PDE1C: variants seen among roughly 807,000 people sequenced by gnomAD.
PDE1C encodes the protein dual specificity calcium/calmodulin-dependent 3',5'-cyclic nucleotide phosphodiesterase 1C.
Under a neutral mutation model 93.1 loss-of-function variants are expected in PDE1C, and 62 were observed. The ratio of observed to expected loss-of-function variants is 0.67; its 90% CI spans 0.54 to 0.82. The LOEUF (loss-of-function observed/expected upper bound fraction) is 0.82, where lower values mean the gene tolerates loss of function less well. Ranked by LOEUF, PDE1C falls within the 40% of genes least tolerant of loss-of-function variation. The probability of loss-of-function intolerance (pLI) is 0.00; values close to 1 mark genes in which losing one functional copy is unlikely to be tolerated. For synonymous variants in PDE1C, 325 were observed against 310.1 expected (o/e 1.05, Z -0.50); for missense variants, 742 against 884.6 (o/e 0.84, Z 2.04).
chr7:32,423,093 G>A (rs953996465), intron 1 of PDE1C, among the ~76,000 whole-genome samples: 2 of 152,160 alleles, frequency 1.3e-5, no homozygotes, highest in Admixed American at 6.5e-5. Flanking sequence ...CAACCCTCAA[G>A]TCCAGGTGTG....
chr7:32,386,877 A>T (rs1331843515), intron 1 of PDE1C, among the ~76,000 whole-genome samples: 1 of 150,638 alleles, frequency 6.6e-6, no homozygotes, highest in Non-Finnish European at 1.5e-5. Context: ...TCATTTTTTT[A>T]TTTTTATTTT....
At chr7:32,030,475 A>T (rs1411317677) in intron 2 of PDE1C, among the ~76,000 whole-genome samples, 1 of 152,112 alleles carries the variant, frequency 6.6e-6, no homozygotes, top group Non-Finnish European at 1.5e-5. Flanking sequence ...TTTTTTAAAA[A>T]ATTAGATCGC....
chr7:31,649,900 G>A, the PDE1C span, among the ~76,000 whole-genome samples: 1 of 152,184 alleles, frequency 6.6e-6, no homozygotes, highest in African/African-American at 2.4e-5. Flanking sequence ...AAAGAGCTGA[G>A]CTCCACTCCA....
chr7:31,930,772 C>G (rs1029976561), intron 2 of PDE1C, among the ~76,000 whole-genome samples: 1 of 141,490 alleles, frequency 7.1e-6, no homozygotes, highest in South Asian at 2.3e-4. Context: ...TCACTTGAAC[C>G]TGGGAGGCGG....
At chr7:31,700,913 C>A in the PDE1C span, among the ~76,000 whole-genome samples, 1 of 152,128 alleles carries the variant, frequency 6.6e-6, no homozygotes, top group Non-Finnish European at 1.5e-5. Flanking sequence ...CAAAAAAAGA[C>A]CCTTTTCAAA....
rs1430986869 is a variant in PDE1C, at chr7:31,752,430, T to C, written c.*954A>G. Reference sequence around the variant, plus strand: ...TATGTAGCGTGCTGTGAAGAGGATCTGAAATGTAACTTAAAGGCATCTCTA... The same window carrying C: ...TATGTAGCGTGCTGTGAAGAGGATCCGAAATGTAACTTAAAGGCATCTCTA... On this transcript the variant is annotated 3_prime_UTR_variant, in exon 18 of 18. Coordinates refer to ENST00000396191, the MANE Select transcript of PDE1C (RefSeq NM_001191057.4). 6.6e-6 allele frequency: 1 copy of C among 152,152 alleles called. No homozygotes were observed. Among genetic ancestry groups the C allele is most frequent in the East Asian group, 1.9e-4 (1 of 5,176 alleles). The allele number at this position is 152,152 out of a possible 1,614,324, so 9.4% of individuals were successfully genotyped here.
chr7:31,652,632 G>T, the PDE1C span: 22 of 1,613,806 alleles, frequency 1.4e-5, no homozygotes, highest in East Asian at 4.9e-4. Context: ...CCCAGGCATG[G>T]CCCCGAGGAC....
At chr7:31,970,232 CATT>C (rs535929692) in intron 2 of PDE1C, among the ~76,000 whole-genome samples, 38 of 152,258 alleles carry the variant, frequency 2.5e-4, no homozygotes, top group African/African-American at 9.1e-4. Flanking sequence ...GCTGACATAT[CATT>C]GAGTCAGTGG....
intron 3 of PDE1C, among the ~76,000 whole-genome samples, chr7:32,133,957 T>TA (rs1437567937): frequency 6.6e-6 from 1 of 151,588 alleles, no homozygotes; most frequent in Non-Finnish European, 1.5e-5. Flanking sequence ...CTTATAAATA[T>TA]AAAAAGAAAC....
intron 1 of PDE1C, among the ~76,000 whole-genome samples, chr7:32,238,348 A>T (rs191687347): frequency 3.7e-4 from 57 of 152,366 alleles, no homozygotes; most frequent in African/African-American, 1.3e-3. Flanking sequence ...ATAGTAAAGA[A>T]GATCAGATAT....
the PDE1C span, among the ~76,000 whole-genome samples, chr7:31,709,982 T>G: frequency 6.6e-6 from 1 of 151,942 alleles, no homozygotes. Context: ...AGACTCTGTC[T>G]CCACAAAAAA....
chr7:31,841,239 A>ATATG (rs1791849122), intron 9 of PDE1C, among the ~76,000 whole-genome samples: 1 of 139,854 alleles, frequency 7.2e-6, no homozygotes, highest in African/African-American at 2.6e-5. Flanking sequence ...ATATATATAT[A>ATATG]TATATGTATA....
At chr7:31,936,634 A>G (rs73308683) in intron 2 of PDE1C, among the ~76,000 whole-genome samples, 2,272 of 152,236 alleles carry the variant, frequency 0.015, 48 homozygotes, top group African/African-American at 0.052. Flanking sequence ...CTTATTTTGC[A>G]TACAAGTGTA....
Position 31,942,243 on chromosome 7 carries a change from G to C in PDE1C, c.129-61383C>G, listed in dbSNP as rs191713041. On this transcript the variant is annotated intron_variant, in intron 2 of 17. Transcript: ENST00000396191. ...TCAGGGCAGAAATCAAAAGCTGTATGAAGTACCCTGTTTTGTGTCCATCTG... is the reference window on the plus strand; with the variant it reads ...TCAGGGCAGAAATCAAAAGCTGTATCAAGTACCCTGTTTTGTGTCCATCTG... 2.0e-4 allele frequency among the ~76,000 whole-genome samples: 31 copies of C among 152,238 alleles called. No homozygotes were observed. In the East Asian group the frequency reaches 5.4e-3, roughly 27 times the overall value.
intron 2 of PDE1C, among the ~76,000 whole-genome samples, chr7:31,921,473 T>A (rs1429292536): frequency 6.6e-6 from 1 of 152,204 alleles, no homozygotes; most frequent in Non-Finnish European, 1.5e-5. Flanking sequence ...AGACATTCCC[T>A]TAATGGTCAG....
chr7:32,356,677 C>A (rs1784035236), intron 1 of PDE1C, among the ~76,000 whole-genome samples: 1 of 152,226 alleles, frequency 6.6e-6, no homozygotes, highest in Admixed American at 6.5e-5. Flanking sequence ...TGCAAATTAG[C>A]TGATGGTCTG....
chr7:31,622,886 A>G, the PDE1C span, among the ~76,000 whole-genome samples: 1 of 152,152 alleles, frequency 6.6e-6, no homozygotes, highest in Non-Finnish European at 1.5e-5. Flanking sequence ...AGAAAAGAGA[A>G]GACTCAAATA....
chr7:31,724,266 T>C, the PDE1C span, among the ~76,000 whole-genome samples: 84 of 152,282 alleles, frequency 5.5e-4, no homozygotes, highest in Non-Finnish European at 2.1e-4. Flanking sequence ...GCCAGCCTTG[T>C]CTGACTGCCA....
At chr7:31,743,357 C>T in the PDE1C span, among the ~76,000 whole-genome samples, 1 of 152,104 alleles carries the variant, frequency 6.6e-6, no homozygotes, top group African/African-American at 2.4e-5. Flanking sequence ...GCTCTTTGCT[C>T]CCGCTCTTCC....
Sources: allele counts gnomAD v4.1 joint callset (sites outside exome capture counted in the v4.1 genomes callset), GRCh38; gene constraint gnomAD v4.1.1; transcripts MANE v1.5; gene names NCBI Gene and HGNC (gene_info 2026-07-23, HGNC 2026-07-21).